PATJ: variants seen among roughly 807,000 people sequenced by gnomAD.
The protein encoded by PATJ is inaD-like protein.
PATJ carries 190 observed loss-of-function variants against 224.9 expected under a neutral mutation model. The ratio of observed to expected loss-of-function variants is 0.84; its 90% CI spans 0.75 to 0.95. The LOEUF (loss-of-function observed/expected upper bound fraction) is 0.95. Among genes scored for constraint, PATJ ranks in the 40% least tolerant of loss-of-function variants. PATJ has a pLI of 0.00. For missense variants in PATJ, 2,121 were observed against 2,270.3 expected (o/e 0.93, Z 1.34); for synonymous variants, 769 against 820.3 (o/e 0.94, Z 1.07).
chr1:61,808,656 GT>G, intron 14 of PATJ, 126 bp downstream of exon 14: 1 of 598,920 alleles, frequency 1.7e-6, no homozygotes, highest in Non-Finnish European at 2.9e-6. Flanking sequence ...CTCCCAAAGT[GT>G]TAGGATTACA....
chr1:61,974,189 TG>T lies in PATJ; in HGVS notation c.3671-15978del, dbSNP rs1460247834. On this transcript the variant is annotated intron_variant, in intron 27 of 43. Coordinates refer to ENST00000642238, the MANE Select transcript of PATJ (RefSeq NM_001350145.3). ...CTTCAAAGGACATGTCGAGCAAAAC[TG>T]ATACTGTGAGCCTGATAGTTTGAGC... 3.9e-5 allele frequency among the ~76,000 whole-genome samples: 6 copies of T among 151,924 alleles called. 1 individual carries two copies. Among genetic ancestry groups the T allele is most frequent in the Admixed American group, 1.3e-4 (2 of 15,256 alleles).
intron 14 of PATJ, among the ~76,000 whole-genome samples, chr1:61,810,744 A>AAACC (rs1300604847): frequency 2.8e-5 from 4 of 141,150 alleles, no homozygotes; most frequent in East Asian, 4.0e-4. Context: ...ATAAATAAAT[A>AAACC]AACCCAGTCT....
At chr1:61,876,180 G>A (rs1231196739) in intron 21 of PATJ, among the ~76,000 whole-genome samples, 1 of 151,984 alleles carries the variant, frequency 6.6e-6, no homozygotes, top group Non-Finnish European at 1.5e-5. Flanking sequence ...CTAAAAAATG[G>A]AATACTTAAG....
At position 62,086,868 on chromosome 1, in the gene PATJ, G is replaced by C. The variant is rs1392455952; in HGVS notation, c.4377+2220G>C. ...AGCTGGCTGCTTTGGGTGCCGGCAGGAGCAGGCTCTGTGGGGTCCCCTCGG... is the reference window on the plus strand; with the variant it reads ...AGCTGGCTGCTTTGGGTGCCGGCAGCAGCAGGCTCTGTGGGGTCCCCTCGG... On this transcript the variant is annotated intron_variant, in intron 33 of 43. Transcript: ENST00000642238. The surrounding 1 kb of genome is among the most constrained non-coding windows in gnomAD (Gnocchi z 4.0). Among the ~76,000 whole-genome samples, 1 of 152,154 alleles carries C rather than the reference G, an allele frequency of 6.6e-6. No homozygotes were observed. The highest frequency in any genetic ancestry group is 1.5e-5 in the Non-Finnish European group (1 of 68,030).
chr1:61,965,121 CAAAAAAAAAAAAAAAAAAAAA>C lies in PATJ; in HGVS notation c.3671-25027_3671-25007del, dbSNP rs34267345. ...TGGGCCACTGAAGGAGACTCTGTCT[CAAAAAAAAAAAAAAAAAAAAA>C]AAAAAAAAAAAAAAAAAAAGGAGCC... is the stretch of plus-strand genomic sequence containing the variant. On this transcript the variant is annotated intron_variant, in intron 27 of 43. Transcript: ENST00000642238. Among the ~76,000 whole-genome samples the C allele has an allele frequency of 7.3e-3, 395 of 54,380 alleles. 2 individuals are homozygous for C. The highest frequency in any genetic ancestry group is 0.039 in the Middle Eastern group (3 of 76). The allele number at this position is 54,380 out of a possible 152,430, so 35.7% of individuals were successfully genotyped here. A position where few individuals can be genotyped will look rare whatever the true frequency, so the allele number is the denominator to read the frequency against.
intron 41 of PATJ, among the ~76,000 whole-genome samples, chr1:62,132,921 TACATA>T (rs948896277): frequency 2.0e-5 from 3 of 152,004 alleles, no homozygotes; most frequent in Admixed American, 2.0e-4. Context: ...AAAAAAAAAT[TACATA>T]AGTAAGTGAA....
At chr1:61,906,886 G>T (rs990644896) in intron 24 of PATJ, among the ~76,000 whole-genome samples, 14 of 152,104 alleles carry the variant, frequency 9.2e-5, no homozygotes, top group African/African-American at 3.4e-4. Context: ...TTTTATAAGT[G>T]ATATGATTTG....
intron 14 of PATJ, among the ~76,000 whole-genome samples, chr1:61,808,813 T>C (rs933311396): frequency 2.6e-5 from 4 of 152,198 alleles, no homozygotes; most frequent in Non-Finnish European, 4.4e-5. Flanking sequence ...GGTCTCACTG[T>C]TATGAAAGAT....
intron 24 of PATJ, among the ~76,000 whole-genome samples, chr1:61,905,785 T>C (rs1671771341): frequency 6.6e-6 from 1 of 152,152 alleles, no homozygotes; most frequent in South Asian, 2.1e-4. Flanking sequence ...AACAGAATAC[T>C]AGATGTGACC....
At chr1:62,119,204 G>T (rs948253051) in intron 37 of PATJ, among the ~76,000 whole-genome samples, 122 of 152,166 alleles carry the variant, frequency 8.0e-4, no homozygotes, top group African/African-American at 2.9e-3. Context: ...AATTATGGGT[G>T]AGATAGAAGA....
At chr1:62,130,484 G>A (rs1031705449) in intron 41 of PATJ, among the ~76,000 whole-genome samples, 1 of 151,590 alleles carries the variant, frequency 6.6e-6, no homozygotes, top group Non-Finnish European at 1.5e-5. Flanking sequence ...TGGGCAACAT[G>A]GTATGATACC....
chr1:61,791,565 CT>C, intron 9 of PATJ, 118 bp downstream of exon 9: 1 of 590,528 alleles, frequency 1.7e-6, no homozygotes, highest in Non-Finnish European at 2.9e-6. Context: ...AACCATGAGT[CT>C]ATACTAGCAA....
At chr1:61,868,925 T>C (rs1665825326) in intron 20 of PATJ, among the ~76,000 whole-genome samples, 1 of 152,138 alleles carries the variant, frequency 6.6e-6, no homozygotes, top group African/African-American at 2.4e-5. Flanking sequence ...TAAAGTTTTA[T>C]TTATACACAC....
At chr1:62,152,253 G>A (rs1275395019) in intron 42 of PATJ, among the ~76,000 whole-genome samples, 1 of 152,166 alleles carries the variant, frequency 6.6e-6, no homozygotes, top group Non-Finnish European at 1.5e-5. Flanking sequence ...GCACAGAAAA[G>A]GCTGTGGGAC....
chr1:61,868,820 T>C (rs184080665), intron 20 of PATJ, among the ~76,000 whole-genome samples: 1 of 152,100 alleles, frequency 6.6e-6, no homozygotes, highest in Non-Finnish European at 1.5e-5. Context: ...TATTTCCTTA[T>C]AGATATATGT....
At chr1:61,977,175 C>T (rs1448904931) in intron 27 of PATJ, among the ~76,000 whole-genome samples, 1 of 152,078 alleles carries the variant, frequency 6.6e-6, no homozygotes, top group Non-Finnish European at 1.5e-5. Context: ...ATATCCTCCA[C>T]CTCCCAGGCT....
At chr1:61,871,151 A>G (rs1666310343) in intron 20 of PATJ, among the ~76,000 whole-genome samples, 1 of 146,700 alleles carries the variant, frequency 6.8e-6, no homozygotes, top group African/African-American at 2.5e-5. Context: ...TCTTTTTAGA[A>G]AAAAAAACTT....
intron 31 of PATJ, among the ~76,000 whole-genome samples, chr1:62,053,718 T>TA (rs61264854): frequency 2.8e-4 from 41 of 146,304 alleles, no homozygotes; most frequent in African/African-American, 3.0e-4. Flanking sequence ...AAATTCCGTC[T>TA]AAAAAAAAAA....
At position 62,084,385 on chromosome 1, in the gene PATJ, T is replaced by C. The variant is rs17123044; in HGVS notation, c.4244-130T>C. The C allele has an allele frequency of 5.1e-3, 4,797 of 941,638 alleles. 176 individuals are homozygous for C. The African/African-American group carries it at 0.072, about 14-fold the overall frequency. 58.3% of individuals were successfully genotyped at this position (941,638 alleles called of 1,614,324 possible). ...AGGCAGGAATGACCCAGCTTTTTGC[T>C]TCATGGTGTTTGGCAGGAAAAGAGT... On this transcript the variant is annotated intron_variant, in intron 32 of 43. Transcript: ENST00000642238.
Sources: allele counts gnomAD v4.1 joint callset (sites outside exome capture counted in the v4.1 genomes callset), GRCh38; gene constraint gnomAD v4.1.1; non-coding constraint Gnocchi (gnomAD v3.1); transcripts MANE v1.5; gene names NCBI Gene and HGNC (gene_info 2026-07-23, HGNC 2026-07-21).